The following FCAMR variants were observed in gnomAD, a reference collection of about 807,000 sequenced individuals.
FCAMR encodes high affinity immunoglobulin alpha and immunoglobulin mu Fc receptor.
A neutral mutation model predicts 52.2 loss-of-function variants in FCAMR; 51 were observed. That is an observed-to-expected ratio of 0.98 (90% CI 0.78 to 1.23). The LOEUF (loss-of-function observed/expected upper bound fraction) is 1.23, where lower values mean the gene tolerates loss of function less well. Ranked by LOEUF, FCAMR falls within the 50% of genes most tolerant of loss-of-function variation. The pLI is 0.00. For synonymous variants in FCAMR, 282 were observed against 262.0 expected (o/e 1.08, Z -0.74); for missense variants, 719 against 712.6 (o/e 1.01, Z -0.10).
intron 4 of FCAMR, among the ~76,000 whole-genome samples, chr1:206,965,193 A>G (rs994631045): frequency 2.6e-5 from 4 of 152,390 alleles, no homozygotes; most frequent in African/African-American, 7.2e-5. Context: ...TAAAGTGTGC[A>G]TACCCCAGAT....
chr1:206,961,084 T>C lies in FCAMR; in HGVS notation c.792A>G (p.Thr264=). ...TGCTGGTTCCTGGAGTGGAAGCAAC[T>C]GTGTCCCATGCTGTCCCCTGTCCTA... ...QTLGQGTAWD[T]VASTPGTSKT... Residue 264 remains threonine (T), a synonymous_variant, in exon 6 of 8, where the codon ACA becomes ACG. Coordinates refer to ENST00000324852, the MANE Select transcript of FCAMR (RefSeq NM_001170631.2). The C allele has an allele frequency of 6.4e-7, 1 of 1,551,890 alleles. No individual in the cohort carries two copies. The highest frequency in any genetic ancestry group is 8.7e-7 in the Non-Finnish European group (1 of 1,147,026).
At chr1:206,969,702 G>C (rs968573959) in intron 1 of FCAMR, among the ~76,000 whole-genome samples, 2 of 152,102 alleles carry the variant, frequency 1.3e-5, no homozygotes, top group Non-Finnish European at 2.9e-5. Context: ...TAGTATAGAG[G>C]AGAGAGCACA....
At chr1:206,959,475 TA>T (rs371737879) in intron 7 of FCAMR, among the ~76,000 whole-genome samples, 1,897 of 76,404 alleles carry the variant, frequency 0.025, 33 homozygotes, top group African/African-American at 0.074. Flanking sequence ...AGAGTCTGTC[TA>T]AAAAAAAAAA....
intron 7 of FCAMR, chr1:206,958,959 C>G: frequency 1.8e-6 from 1 of 568,734 alleles, no homozygotes; most frequent in Non-Finnish European, 3.4e-6. Flanking sequence ...GTACTTAAAC[C>G]TGGGCATGTT....
chr1:206,964,334 G>T (rs1680623561), intron 4 of FCAMR, among the ~76,000 whole-genome samples: 1 of 152,124 alleles, frequency 6.6e-6, no homozygotes, highest in Non-Finnish European at 1.5e-5. Flanking sequence ...CTATCAGTCT[G>T]TTCTGCCTTT....
chr1:206,965,615 A>C, intron 4 of FCAMR, 100 bp downstream of exon 4: 1 of 1,348,638 alleles, frequency 7.4e-7, no homozygotes, highest in Non-Finnish European at 9.8e-7. Flanking sequence ...CCATTAGGAG[A>C]GGCTAGGGCT....
chr1:206,970,271 G>T lies in FCAMR; in HGVS notation c.-146C>A. On this transcript the variant is annotated 5_prime_UTR_variant, in exon 1 of 8. Coordinates refer to ENST00000324852, the MANE Select transcript of FCAMR (RefSeq NM_001170631.2). ...AAAGCAGCTGGAGCTAGCAACGGAA[G>T]GTCGGGGTGCAAGGCGTAGCTCTGC... is the stretch of plus-strand genomic sequence containing the variant. 2.4e-6 allele frequency: 2 copies of T among 829,498 alleles called. No homozygotes were observed. Among genetic ancestry groups the T allele is most frequent in the East Asian group, 2.6e-5 (1 of 37,808 alleles). The allele number at this position is 829,498 out of a possible 1,614,324, so 51.4% of individuals were successfully genotyped here.
At chr1:206,969,284 C>T (rs76878955) in intron 1 of FCAMR, 116 of 456,280 alleles carry the variant, frequency 2.5e-4, no homozygotes, top group Non-Finnish European at 4.5e-4. Context: ...GGAGAAAAGC[C>T]GGCTCCGTGG....
Position 206,970,432 on chromosome 1 carries a change from A to G in FCAMR, c.-307T>C, listed in dbSNP as rs1680891782. 3.1e-6 allele frequency: 1 copy of G among 319,894 alleles called. No individual in the cohort carries two copies. Among genetic ancestry groups the G allele is most frequent in the Non-Finnish European group, 5.8e-6 (1 of 173,760 alleles). The allele number at this position is 319,894 out of a possible 1,614,324, so 19.8% of individuals were successfully genotyped here. On this transcript the variant is annotated 5_prime_UTR_variant, in exon 1 of 8. Coordinates refer to ENST00000324852, the MANE Select transcript of FCAMR (RefSeq NM_001170631.2). ...GGTAACAGTAGCTTCAAAAAAGAAA[A>G]CACTGATCCATATCCTTCCTCCTCT...
rs182073706 is a variant in FCAMR at position 206,959,617 on chromosome 1, C to G, written c.1573+62G>C. 90 of 1,348,754 alleles carry G rather than the reference C, an allele frequency of 6.7e-5. 1 individual carries two copies. The highest frequency in any genetic ancestry group is 4.6e-5 in the Non-Finnish European group (43 of 939,866). 83.5% of individuals were successfully genotyped at this position (1,348,754 alleles called of 1,614,324 possible). A position where few individuals can be genotyped will look rare whatever the true frequency, so the allele number is the denominator to read the frequency against. On this transcript the variant is annotated intron_variant, in intron 7 of 7. Transcript: ENST00000324852. ...CTGGCAGGACTCTACCCCTACCCAG[C>G]CCTGAGGGTGTCAGGTGGGAACCAG...
Position 206,960,428 on chromosome 1 carries a change from A to G in FCAMR, c.1448T>C (p.Val483Ala). 1.3e-6 allele frequency: 2 copies of G among 1,495,286 alleles called. No homozygotes were observed. Among genetic ancestry groups the G allele is most frequent in the East Asian group, 2.5e-5 (1 of 40,540 alleles). The allele number at this position is 1,495,286 out of a possible 1,614,324, so 92.6% of individuals were successfully genotyped here. A position where few individuals can be genotyped will look rare whatever the true frequency, so the allele number is the denominator to read the frequency against. Residue 483 changes from valine (V) to alanine (A), a missense_variant, in exon 6 of 8, where the codon GTG becomes GCG. Transcript: ENST00000324852. The part of the protein sequence containing the change: ...PWGPPGKESS[V>A]KRTFPEDESS... ...AGAAGGTGCCTGGGGTTACCGCTTC[A>G]CGGAGGACTCCTTGCCAGGGGGTCC...
Position 206,958,327 on chromosome 1 carries a change from T to C in FCAMR, c.*189A>G. 3 of 615,092 alleles carry C rather than the reference T, an allele frequency of 4.9e-6. 1 individual carries two copies. The South Asian group carries it at 6.6e-5, about 14-fold the overall frequency. The allele number at this position is 615,092 out of a possible 1,614,324, so 38.1% of individuals were successfully genotyped here. ...CTCCTTTGAGTCATCTTGTCACCTT[T>C]GGACGTGGATAATGCTTGACTTTCT... On this transcript the variant is annotated 3_prime_UTR_variant, in exon 8 of 8. Coordinates refer to ENST00000324852, the MANE Select transcript of FCAMR (RefSeq NM_001170631.2).
rs778383999 is a variant in FCAMR, at chr1:206,970,191, C to A, written c.-66G>T. On this transcript the variant is annotated 5_prime_UTR_variant, in exon 1 of 8. Transcript: ENST00000324852. ...TTATGAGATGCAGGTGTTTGGACGA[C>A]TTCTAGTTGCTCTCCTTTAAACCTG... 16 of 1,570,634 alleles carry A rather than the reference C, an allele frequency of 1.0e-5. No homozygotes were observed. Among genetic ancestry groups the A allele is most frequent in the Non-Finnish European group, 1.3e-5 (15 of 1,142,956 alleles).
At chr1:206,960,034 C>T (rs1316965266) in intron 6 of FCAMR, 11 of 531,520 alleles carry the variant, frequency 2.1e-5, no homozygotes, top group Admixed American at 3.1e-5. Context: ...CCCTGCGATG[C>T]CTCCCAGTGA....
rs41275382 is a variant in FCAMR, at chr1:206,959,714, A to G, written c.1538T>C (p.Val513Ala). 4.0e-4 allele frequency: 642 copies of G among 1,614,072 alleles called. No individual in the cohort carries two copies. The highest frequency in any genetic ancestry group is 5.0e-4 in the Non-Finnish European group (591 of 1,179,986). Residue 513 changes from valine (V) to alanine (A), a missense_variant, in exon 7 of 8, where the codon GTT (valine) becomes GCT (alanine). Transcript: ENST00000324852. ...TCTCCAGAGCTTCCTTTGCAATAGA[A>G]CCAGAGCCATAAGCATAAACAGGGC... The part of the protein sequence containing the change: ...MLALFMLMAL[V>A]LLQRKLWRRR...
At chr1:206,967,185 G>A in intron 2 of FCAMR, 73 bp from the exon 3 acceptor site, 1 of 1,491,258 alleles carries the variant, frequency 6.7e-7, no homozygotes, top group East Asian at 2.3e-5. Flanking sequence ...GAGAGAACAA[G>A]CATCTTCTCA....
chr1:206,969,435 A>G, intron 1 of FCAMR: 1 of 383,474 alleles, frequency 2.6e-6, no homozygotes, highest in Non-Finnish European at 5.3e-6. Flanking sequence ...TTTCTCCAGG[A>G]GACAGGGGGC....
chr1:206,961,423 G>A (rs1165196359), intron 5 of FCAMR, among the ~76,000 whole-genome samples, 200 bp from the exon 6 acceptor site: 1 of 152,236 alleles, frequency 6.6e-6, no homozygotes, highest in East Asian at 1.9e-4. Flanking sequence ...TCTCTCGTCT[G>A]TGGCAGACAC....
chr1:206,959,976 G>A, intron 6 of FCAMR, 179 bp from the exon 7 acceptor site: 1 of 592,854 alleles, frequency 1.7e-6, no homozygotes. Flanking sequence ...CTGTCTTCAG[G>A]CTTCCAAGCC....
Sources: gnomAD v4.1 joint callset for allele counts (sites outside exome capture counted in the v4.1 genomes callset) on GRCh38, gnomAD v4.1.1 for gene constraint, MANE v1.5 for transcripts, NCBI Gene and HGNC (gene_info 2026-07-23, HGNC 2026-07-21) for gene names.